Variants in ATP9B observed in about 807,000 individuals in gnomAD.
The protein encoded by ATP9B is ATPase phospholipid transporting 9B.
Under a neutral mutation model 146.1 loss-of-function variants are expected in ATP9B, and 110 were observed. That is an observed-to-expected ratio of 0.75 (90% CI 0.65 to 0.88). The LOEUF is 0.88. Ranked by LOEUF, ATP9B falls within the 40% of genes least tolerant of loss-of-function variation. The pLI is 0.00. For missense variants in ATP9B, 1,499 were observed against 1,496.4 expected (o/e 1.00, Z -0.03); for synonymous variants, 604 against 569.7 (o/e 1.06, Z -0.86).
chr18:79,375,345 TATCTCC>T (rs775860360), intron 28 of ATP9B, 43 bp from the exon 29 acceptor site: 3 of 1,495,816 alleles, frequency 2.0e-6, no homozygotes, highest in Non-Finnish European at 2.8e-6. Flanking sequence ...AATATCCTGG[TATCTCC>T]TTTAATCTGT....
At chr18:79,334,086 G>A (rs1022927855) in intron 17 of ATP9B, among the ~76,000 whole-genome samples, 3 of 152,132 alleles carry the variant, frequency 2.0e-5, no homozygotes, top group East Asian at 1.9e-4. Flanking sequence ...GGCTGGGCGC[G>A]GTGGCTCACG....
chr18:79,286,903 T>G (rs1417095526), intron 13 of ATP9B, among the ~76,000 whole-genome samples: 1 of 152,250 alleles, frequency 6.6e-6, no homozygotes, highest in Non-Finnish European at 1.5e-5. Flanking sequence ...TGGTTCTGTT[T>G]ATATGCTGGA....
At chr18:79,356,244 T>C (rs2096952140) in intron 25 of ATP9B, among the ~76,000 whole-genome samples, 3 of 152,070 alleles carry the variant, frequency 2.0e-5, no homozygotes, top group Admixed American at 2.0e-4. Flanking sequence ...ACTGGATAGC[T>C]CTTACATTGC....
chr18:79,187,591 C>G (rs986586832), intron 8 of ATP9B, among the ~76,000 whole-genome samples: 3 of 152,248 alleles, frequency 2.0e-5, no homozygotes, highest in South Asian at 4.2e-4. Flanking sequence ...TGGTCTCTGC[C>G]GAGCCATTTC....
At chr18:79,372,696 T>C (rs1206088785) in intron 26 of ATP9B, 129 bp from the exon 27 acceptor site, 1 of 733,242 alleles carries the variant, frequency 1.4e-6, no homozygotes, top group Non-Finnish European at 2.5e-6. Context: ...GTAGACCAGG[T>C]GGCTGGGGTG....
chr18:79,314,843 G>C (rs1051017867), intron 15 of ATP9B, among the ~76,000 whole-genome samples: 1 of 152,214 alleles, frequency 6.6e-6, no homozygotes, highest in Non-Finnish European at 1.5e-5. Flanking sequence ...CACCAGCACC[G>C]AACTAGTGGC....
At chr18:79,211,853 G>C (rs986357917) in intron 10 of ATP9B, among the ~76,000 whole-genome samples, 3 of 152,208 alleles carry the variant, frequency 2.0e-5, no homozygotes, top group Admixed American at 1.3e-4. Context: ...AGCGCGTTGT[G>C]AGGGAGGTGG....
intron 1 of ATP9B, among the ~76,000 whole-genome samples, chr18:79,093,349 A>C (rs893393646): frequency 1.3e-5 from 2 of 152,090 alleles, no homozygotes; most frequent in Admixed American, 6.6e-5. Flanking sequence ...TTCTTTTAGC[A>C]CTTCAAACAT....
At chr18:79,226,316 T>G (rs1461751340) in intron 11 of ATP9B, among the ~76,000 whole-genome samples, 1 of 152,246 alleles carries the variant, frequency 6.6e-6, no homozygotes, top group East Asian at 1.9e-4. Flanking sequence ...TGCGTTTTTC[T>G]CAGACTGCTG....
intron 11 of ATP9B, among the ~76,000 whole-genome samples, chr18:79,235,346 A>C (rs1050955526): frequency 9.2e-5 from 14 of 152,256 alleles, no homozygotes; most frequent in African/African-American, 3.4e-4. Context: ...GCCATAGAGC[A>C]ATATAAACTA....
At chr18:79,153,962 T>G (rs1488129200) in intron 6 of ATP9B, among the ~76,000 whole-genome samples, 1 of 148,472 alleles carries the variant, frequency 6.7e-6, no homozygotes, top group Non-Finnish European at 1.5e-5. Flanking sequence ...TGCAGCTTTT[T>G]TTTTTTTTTT....
At chr18:79,363,053 ATC>A (rs1233865916) in intron 26 of ATP9B, 2 of 139,376 alleles carry the variant, frequency 1.4e-5, no homozygotes, top group African/African-American at 3.0e-5. Flanking sequence ...AAATAAAAAT[ATC>A]TCTGTTTGTG....
At chr18:79,275,826 TA>T (rs1204748482) in intron 12 of ATP9B, among the ~76,000 whole-genome samples, 1 of 152,228 alleles carries the variant, frequency 6.6e-6, no homozygotes, top group African/African-American at 2.4e-5. Context: ...GGTGCTGGTT[TA>T]AAAAGCTGTG....
At chr18:79,295,447 C>T (rs2096540993) in intron 13 of ATP9B, among the ~76,000 whole-genome samples, 1 of 152,018 alleles carries the variant, frequency 6.6e-6, no homozygotes, top group African/African-American at 2.4e-5. Context: ...TGCTTTTTGG[C>T]CAACTGTATA....
At chr18:79,282,505 A>G (rs1258613942) in intron 13 of ATP9B, among the ~76,000 whole-genome samples, 2 of 152,206 alleles carry the variant, frequency 1.3e-5, no homozygotes, top group Admixed American at 1.3e-4. Flanking sequence ...CTACCAGCAA[A>G]AAGATTAAAA....
intron 6 of ATP9B, among the ~76,000 whole-genome samples, chr18:79,147,585 T>C (rs1004222287): frequency 2.6e-5 from 4 of 152,110 alleles, no homozygotes; most frequent in Non-Finnish European, 4.4e-5. Flanking sequence ...AATTAATTTA[T>C]AGGATAGGTA....
chr18:79,301,043 T>C (rs1314707400), intron 13 of ATP9B, among the ~76,000 whole-genome samples: 1 of 152,228 alleles, frequency 6.6e-6, no homozygotes, highest in Non-Finnish European at 1.5e-5. Context: ...CTTAGCACAT[T>C]TGTTAAATAA....
intron 15 of ATP9B, among the ~76,000 whole-genome samples, chr18:79,326,366 T>C (rs583843): frequency 1.6e-4 from 13 of 81,494 alleles, no homozygotes; most frequent in African/African-American, 2.1e-4. Context: ...TAGGGTGTCA[T>C]CTCTGTACCC....
rs2146811949 is a variant in ATP9B at position 79,099,017 on chromosome 18, C to G, written c.293+2368C>G. 1.3e-5 allele frequency among the ~76,000 whole-genome samples: 2 copies of G among 152,200 alleles called. 1 individual carries two copies. Among genetic ancestry groups the G allele is most frequent in the South Asian group, 4.1e-4 (2 of 4,828 alleles). ...ATGGCCTTCTCAGGGTGTTTGATTC[C>G]TGTTTGATTGATTTCTGGTCTTCCC... On this transcript the variant is annotated intron_variant, in intron 2 of 29. Transcript: ENST00000426216.
Sources: gnomAD v4.1 joint callset for allele counts (sites outside exome capture counted in the v4.1 genomes callset) on GRCh38, gnomAD v4.1.1 for gene constraint, MANE v1.5 for transcripts, NCBI Gene and HGNC (gene_info 2026-07-23, HGNC 2026-07-21) for gene names.